Variants in ZDHHC17 observed in about 807,000 individuals in gnomAD.
ZDHHC17 encodes palmitoyltransferase ZDHHC17.
A neutral mutation model predicts 90.3 loss-of-function variants in ZDHHC17; 40 were observed. The observed-to-expected ratio is 0.44, with a 90% CI of 0.34 to 0.58. The LOEUF (loss-of-function observed/expected upper bound fraction) is 0.58, where lower values mean the gene tolerates loss of function less well. ZDHHC17 is among the 20% of genes least tolerant of loss of function. The pLI, the probability that ZDHHC17 is intolerant of heterozygous loss-of-function variation, is 0.01. For synonymous variants in ZDHHC17, 235 were observed against 252.4 expected, an observed-to-expected ratio of 0.93 and a Z score of 0.65; for missense variants, 614 against 780.8, an observed-to-expected ratio of 0.79 and a Z score of 2.55.
intron 12 of ZDHHC17, 133 bp from the exon 13 acceptor site, chr12:76,845,576 T>TG (rs1953484905): frequency 7.9e-6 from 3 of 380,416 alleles, no homozygotes; most frequent in South Asian, 1.1e-4. Context: ...TTCATTCATT[T>TG]GGAAACCTTG....
In ZDHHC17 at chr12:76,829,455, C is replaced by CAAAAAAAAAA. The variant is rs58051393; in HGVS notation, c.1141+985_1141+994dup. Among the ~76,000 whole-genome samples, 28 of 71,916 alleles carry CAAAAAAAAAA rather than the reference C, an allele frequency of 3.9e-4. 1 individual carries two copies. Among genetic ancestry groups the CAAAAAAAAAA allele is most frequent in the African/African-American group, 1.7e-3 (27 of 15,662 alleles). 47.2% of individuals were successfully genotyped at this position (71,916 alleles called of 152,430 possible). On this transcript the variant is annotated intron_variant, in intron 10 of 16. Coordinates refer to ENST00000426126, the MANE Select transcript of ZDHHC17 (RefSeq NM_015336.4). ...TGGGTGACAGAGTGAGACTATGTCT[C>CAAAAAAAAAA]AAAAAAAAAAAAAAAAAAAAAAAAA...
intron 1 of ZDHHC17, among the ~76,000 whole-genome samples, chr12:76,781,356 AG>A (rs1263024769): frequency 1.3e-5 from 2 of 152,232 alleles, no homozygotes; most frequent in Non-Finnish European, 2.9e-5. Flanking sequence ...AAAAGTGTTA[AG>A]CGACTTGTAT....
At position 76,849,323 on chromosome 12, in the gene ZDHHC17, C is replaced by CAAAAAAAAAAAAA. The variant is rs34062414; in HGVS notation, c.1666-47_1666-35dup. ...TGGGTGACAGGGCAAGGTCCTGTCT[C>CAAAAAAAAAAAAA]AAAAAAAAAAAAAAAAAACAAGAAT... On this transcript the variant is annotated intron_variant, in intron 15 of 16. Transcript: ENST00000426126. 1.1e-3 allele frequency: 487 copies of CAAAAAAAAAAAAA among 454,596 alleles called. 2 individuals carry two copies. Among genetic ancestry groups the CAAAAAAAAAAAAA allele is most frequent in the Non-Finnish European group, 1.2e-3 (397 of 318,084 alleles). The allele number at this position is 454,596 out of a possible 1,614,324, so 28.2% of individuals were successfully genotyped here. A position where few individuals can be genotyped will look rare whatever the true frequency, so the allele number is the denominator to read the frequency against.
intron 10 of ZDHHC17, among the ~76,000 whole-genome samples, chr12:76,829,349 C>T (rs766679254): frequency 2.0e-5 from 3 of 147,954 alleles, no homozygotes; most frequent in African/African-American, 7.5e-5. Flanking sequence ...CCCAGCTACT[C>T]GGGAGGCTGA....
intron 3 of ZDHHC17, 31 bp downstream of exon 3, chr12:76,805,470 AACTTG>A (rs67341572): frequency 0.37 from 533,477 of 1,427,894 alleles, 104,865 homozygotes; most frequent in East Asian, 0.68. Flanking sequence ...TAATTATTAG[AACTTG>A]ACTTTTTATG....
chr12:76,828,602 A>G, intron 10 of ZDHHC17, 112 bp downstream of exon 10: 1 of 854,956 alleles, frequency 1.2e-6, no homozygotes, highest in Non-Finnish European at 1.8e-6. Context: ...ACATTAAAAT[A>G]GTGTTCCTAG....
chr12:76,840,424 T>TC (rs1953419723), intron 10 of ZDHHC17: 1 of 150,878 alleles, frequency 6.6e-6, no homozygotes, highest in South Asian at 2.1e-4. Context: ...CACTGGAAAC[T>TC]CCGCCTCCCA....
At chr12:76,826,675 C>G (rs1953234476) in intron 8 of ZDHHC17, among the ~76,000 whole-genome samples, 1 of 152,160 alleles carries the variant, frequency 6.6e-6, no homozygotes, top group South Asian at 2.1e-4. Flanking sequence ...ATAGAACCAA[C>G]TGCTATAACT....
chr12:76,811,111 C>G (rs1026679993), intron 5 of ZDHHC17, among the ~76,000 whole-genome samples: 6 of 152,072 alleles, frequency 3.9e-5, no homozygotes, highest in Non-Finnish European at 8.8e-5. Context: ...TGAACTGACA[C>G]AGCAACGTTT....
chr12:76,809,040 T>C lies in ZDHHC17; in HGVS notation c.321-3T>C, dbSNP rs370650470. The C allele has an allele frequency of 4.4e-4, 657 of 1,505,696 alleles. 1 individual carries two copies. Among genetic ancestry groups the C allele is most frequent in the African/African-American group, 1.8e-3 (124 of 70,076 alleles). The allele number at this position is 1,505,696 out of a possible 1,614,324, so 93.3% of individuals were successfully genotyped here. A position where few individuals can be genotyped will look rare whatever the true frequency, so the allele number is the denominator to read the frequency against. ...TTAAATTATTATAAATTTTGTCTTA[T>C]AGATACTATATTTCGAAAGGTGCTA... On this transcript the variant is annotated splice_polypyrimidine_tract_variant and splice_region_variant and intron_variant, in intron 3 of 16. Coordinates refer to ENST00000426126, the MANE Select transcript of ZDHHC17 (RefSeq NM_015336.4).
intron 2 of ZDHHC17, among the ~76,000 whole-genome samples, chr12:76,804,960 G>C (rs539861104): frequency 9.9e-5 from 15 of 152,136 alleles, no homozygotes; most frequent in African/African-American, 3.4e-4. Context: ...TATGCATCTT[G>C]TTACTGATTT....
At chr12:76,797,082 G>A (rs982968449) in intron 1 of ZDHHC17, among the ~76,000 whole-genome samples, 7 of 151,872 alleles carry the variant, frequency 4.6e-5, no homozygotes, top group African/African-American at 1.7e-4. Context: ...GGCTAACATG[G>A]TGAAACCCCG....
At chr12:76,764,544 G>A (rs995369669) in intron 1 of ZDHHC17, 1 of 584,642 alleles carries the variant, frequency 1.7e-6, no homozygotes, top group African/African-American at 1.9e-5. Flanking sequence ...CTGGGACGCA[G>A]TCCCTGGCTG....
chr12:76,819,325 T>C (rs911488397), intron 7 of ZDHHC17, among the ~76,000 whole-genome samples: 4 of 152,190 alleles, frequency 2.6e-5, no homozygotes, highest in African/African-American at 9.7e-5. Context: ...TTTAAAAAAA[T>C]ACCTAGAATA....
chr12:76,793,360 AAAT>A (rs1952782324), intron 1 of ZDHHC17, among the ~76,000 whole-genome samples: 1 of 152,166 alleles, frequency 6.6e-6, no homozygotes, highest in Non-Finnish European at 1.5e-5. Flanking sequence ...TCTCTACTAA[AAAT>A]AGAAAAATTA....
chr12:76,824,191 T>G (rs1953203302), intron 8 of ZDHHC17, among the ~76,000 whole-genome samples: 1 of 152,198 alleles, frequency 6.6e-6, no homozygotes, highest in African/African-American at 2.4e-5. Context: ...ACATCAGGTT[T>G]ATGTGTTTGG....
intron 2 of ZDHHC17, among the ~76,000 whole-genome samples, chr12:76,802,552 CA>C (rs1952904056): frequency 6.6e-6 from 1 of 152,192 alleles, no homozygotes; most frequent in South Asian, 2.1e-4. Flanking sequence ...GGAACTTCCA[CA>C]ATGTGTGTGT....
chr12:76,814,660 T>C (rs1953063051), intron 5 of ZDHHC17, among the ~76,000 whole-genome samples: 1 of 151,878 alleles, frequency 6.6e-6, no homozygotes, highest in Admixed American at 6.6e-5. Flanking sequence ...ATTGCTTTAG[T>C]GTGTTGCTTT....
intron 3 of ZDHHC17, among the ~76,000 whole-genome samples, chr12:76,808,763 T>C (rs1952984567): frequency 6.6e-6 from 1 of 152,120 alleles, no homozygotes; most frequent in African/African-American, 2.4e-5. Context: ...TTGTAGTTCC[T>C]TGAGTACCTT....
Sources: gnomAD v4.1 joint callset for allele counts (sites outside exome capture counted in the v4.1 genomes callset) on GRCh38, gnomAD v4.1.1 for gene constraint, MANE v1.5 for transcripts, NCBI Gene and HGNC (gene_info 2026-07-23, HGNC 2026-07-21) for gene names.